Variants in DNAJC1 observed in about 807,000 individuals in gnomAD.
DNAJC1 encodes the protein DnaJ heat shock protein family (Hsp40) member C1.
Under a neutral mutation model 76.6 loss-of-function variants are expected in DNAJC1, and 58 were observed. The ratio of observed to expected loss-of-function variants is 0.76; its 90% CI spans 0.61 to 0.94. The LOEUF (loss-of-function observed/expected upper bound fraction) is 0.94, where lower values mean the gene tolerates loss of function less well. Among genes scored for constraint, DNAJC1 ranks in the 40% least tolerant of loss-of-function variants. DNAJC1 has a pLI of 0.00. For synonymous variants in DNAJC1, 258 were observed against 267.9 expected (o/e 0.96, Z 0.36); for missense variants, 689 against 677.3 (o/e 1.02, Z -0.19).
intron 8 of DNAJC1, among the ~76,000 whole-genome samples, chr10:21,812,922 T>A (rs1834991979): frequency 6.6e-6 from 1 of 151,552 alleles, no homozygotes; most frequent in Non-Finnish European, 1.5e-5. Flanking sequence ...TTGTGCAGTC[T>A]CCTTCCACAG....
chr10:21,757,148 G>T (rs925082485), intron 11 of DNAJC1, among the ~76,000 whole-genome samples: 2 of 152,192 alleles, frequency 1.3e-5, no homozygotes, highest in Non-Finnish European at 2.9e-5. Flanking sequence ...TTCTTCCGTG[G>T]GTCTGGCTTT....
chr10:21,957,695 C>T (rs1025528143), intron 1 of DNAJC1, among the ~76,000 whole-genome samples: 3 of 152,088 alleles, frequency 2.0e-5, no homozygotes, highest in Admixed American at 1.3e-4. Flanking sequence ...TTATACTTTG[C>T]TTTCTGTCAA....
At position 21,823,738 on chromosome 10, in the gene DNAJC1, TA is replaced by T. The variant is rs78004342; in HGVS notation, c.979-17640del. ...TAATGCTAACAATAGCTGACCAGCT[TA>T]AAAAAAAAAAAAAAGCAGAAAAATC... is the stretch of plus-strand genomic sequence containing the variant. On this transcript the variant is annotated intron_variant, in intron 8 of 11. Coordinates refer to ENST00000376980, the MANE Select transcript of DNAJC1 (RefSeq NM_022365.4). Among the ~76,000 whole-genome samples, 919 of 131,288 alleles carry T rather than the reference TA, an allele frequency of 7.0e-3. 4 individuals are homozygous for T. The highest frequency in any genetic ancestry group is 0.011 in the African/African-American group (410 of 35,780). The allele number at this position is 131,288 out of a possible 152,430, so 86.1% of individuals were successfully genotyped here.
chr10:21,762,905 C>G (rs1834258034), intron 10 of DNAJC1, among the ~76,000 whole-genome samples: 2 of 152,100 alleles, frequency 1.3e-5, no homozygotes, highest in Non-Finnish European at 1.5e-5. Flanking sequence ...TAACACATAA[C>G]AAAGAAAATA....
At chr10:21,939,905 A>C (rs1210027711) in intron 1 of DNAJC1, among the ~76,000 whole-genome samples, 12 of 150,300 alleles carry the variant, frequency 8.0e-5, no homozygotes. Context: ...TAAATTTAGC[A>C]GTCAACACAG....
chr10:21,977,550 T>C (rs920298583), intron 1 of DNAJC1, among the ~76,000 whole-genome samples: 2 of 152,204 alleles, frequency 1.3e-5, no homozygotes, highest in Non-Finnish European at 2.9e-5. Context: ...ATTTATAGGC[T>C]GAACACCCTA....
At chr10:21,917,919 T>G (rs1293951594) in intron 6 of DNAJC1, among the ~76,000 whole-genome samples, 1 of 151,954 alleles carries the variant, frequency 6.6e-6, no homozygotes, top group Non-Finnish European at 1.5e-5. Flanking sequence ...ATTAGCTTCC[T>G]TAAAAAATCA....
At chr10:21,806,601 T>C (rs984949074) in intron 8 of DNAJC1, among the ~76,000 whole-genome samples, 2 of 152,110 alleles carry the variant, frequency 1.3e-5, no homozygotes, top group African/African-American at 4.8e-5. Context: ...AATATACTGG[T>C]CTGAAATCAG....
chr10:21,884,070 T>C (rs1430551274), intron 7 of DNAJC1, among the ~76,000 whole-genome samples: 1 of 152,044 alleles, frequency 6.6e-6, no homozygotes, highest in African/African-American at 2.4e-5. Context: ...TTGTACTATT[T>C]AAAGGAAGGG....
intron 1 of DNAJC1, among the ~76,000 whole-genome samples, chr10:21,940,717 C>T (rs996237852): frequency 2.0e-5 from 3 of 152,070 alleles, no homozygotes; most frequent in African/African-American, 7.2e-5. Context: ...TATAGATAAA[C>T]AAAAGACTGC....
chr10:21,782,884 G>A (rs1204871251), intron 9 of DNAJC1, among the ~76,000 whole-genome samples: 1 of 152,264 alleles, frequency 6.6e-6, no homozygotes, highest in African/African-American at 2.4e-5. Flanking sequence ...TAAATTAGGT[G>A]TTGATGGAAC....
At chr10:21,895,485 T>C (rs1836526348) in intron 7 of DNAJC1, among the ~76,000 whole-genome samples, 1 of 152,166 alleles carries the variant, frequency 6.6e-6, no homozygotes, top group African/African-American at 2.4e-5. Context: ...TCTAAGTAAA[T>C]TGTTCAGGGT....
Position 21,816,541 on chromosome 10 carries a change from C to CTT in DNAJC1, c.979-10443_979-10442insAA, listed in dbSNP as rs1356219712. ...TGGGCAGCAAAGAGACACTGTCTCT[C>CTT]TCTCTTTTTTTTTTTTTTTTTTGAG... On this transcript the variant is annotated intron_variant, in intron 8 of 11. Transcript: ENST00000376980. Among the ~76,000 whole-genome samples, 76 of 147,360 alleles carry CTT rather than the reference C, an allele frequency of 5.2e-4. 1 individual carries two copies. The highest frequency in any genetic ancestry group is 1.8e-3 in the African/African-American group (73 of 39,626).
intron 8 of DNAJC1, among the ~76,000 whole-genome samples, chr10:21,836,080 G>T (rs1216791912): frequency 6.6e-6 from 1 of 152,186 alleles, no homozygotes; most frequent in Non-Finnish European, 1.5e-5. Flanking sequence ...CAGAGAGAAA[G>T]GTCGGGTTAC....
At chr10:21,905,359 G>C (rs897278460) in intron 6 of DNAJC1, among the ~76,000 whole-genome samples, 4 of 151,592 alleles carry the variant, frequency 2.6e-5, no homozygotes, top group African/African-American at 9.7e-5. Flanking sequence ...AAGCAAAACA[G>C]ATCTTTTACC....
intron 9 of DNAJC1, among the ~76,000 whole-genome samples, chr10:21,801,471 A>G (rs1345168849): frequency 6.6e-6 from 1 of 152,212 alleles, no homozygotes; most frequent in East Asian, 1.9e-4. Context: ...ATTACCAAAA[A>G]GTCAAAAAAT....
At chr10:21,826,237 C>CAAAAA (rs538301271) in intron 8 of DNAJC1, among the ~76,000 whole-genome samples, 4 of 77,492 alleles carry the variant, frequency 5.2e-5, no homozygotes, top group African/African-American at 6.9e-5. Flanking sequence ...AGACTTTGTC[C>CAAAAA]AAAAAAAAAA....
chr10:21,813,906 T>C (rs1046146385), intron 8 of DNAJC1, among the ~76,000 whole-genome samples: 6 of 152,234 alleles, frequency 3.9e-5, no homozygotes, highest in African/African-American at 1.4e-4. Flanking sequence ...CTCTAGCTAC[T>C]GCTGCTGCTG....
intron 6 of DNAJC1, among the ~76,000 whole-genome samples, chr10:21,906,789 T>C (rs1320132671): frequency 4.6e-5 from 7 of 152,198 alleles, no homozygotes; most frequent in South Asian, 4.1e-4. Flanking sequence ...ACCTAACTTA[T>C]AGGACTGTTA....
Sources: allele counts gnomAD v4.1 joint callset (sites outside exome capture counted in the v4.1 genomes callset), GRCh38; gene constraint gnomAD v4.1.1; transcripts MANE v1.5; gene names NCBI Gene and HGNC (gene_info 2026-07-23, HGNC 2026-07-21).